The following ADGRA2 variants were observed in gnomAD, a reference collection of about 807,000 sequenced individuals.
ADGRA2 encodes G-protein coupled receptor 124.
In ADGRA2, 61 loss-of-function variants were observed where a neutral mutation model predicts 98.7. That is an observed-to-expected ratio of 0.62 (90% CI 0.50 to 0.76). The LOEUF is 0.76. Ranked by LOEUF, ADGRA2 falls within the 30% of genes least tolerant of loss-of-function variation. The pLI is 0.00. For synonymous variants in ADGRA2, 858 were observed against 831.5 expected (o/e 1.03, Z -0.55); for missense variants, 1,712 against 1,860.0 (o/e 0.92, Z 1.46).
Position 37,800,343 on chromosome 8 carries a change from A to ATTATGCGGAT in ADGRA2, c.266+2820_266+2829dup, listed in dbSNP as rs1352923311. ...GCTGCACAGAAGCAAAGGTGGTTTT[A>ATTATGCGGAT]TTATGCGGATTTATGCGGATCACAC... On this transcript the variant is annotated intron_variant, in intron 1 of 18. Transcript: ENST00000412232. 3.3e-5 allele frequency among the ~76,000 whole-genome samples: 5 copies of ATTATGCGGAT among 152,122 alleles called. No individual in the cohort carries two copies. In the East Asian group the frequency reaches 9.6e-4, roughly 29 times the overall value.
At chr8:37,811,015 G>A (rs1804811333) in intron 1 of ADGRA2, among the ~76,000 whole-genome samples, 1 of 150,788 alleles carries the variant, frequency 6.6e-6, no homozygotes, top group Non-Finnish European at 1.5e-5. Flanking sequence ...TCAAAAGGCT[G>A]AGGCAGGAGA....
chr8:37,805,675 C>T (rs1804637924), intron 1 of ADGRA2, among the ~76,000 whole-genome samples: 1 of 151,960 alleles, frequency 6.6e-6, no homozygotes, highest in Non-Finnish European at 1.5e-5. Flanking sequence ...CGAGACCATC[C>T]TGGCTAACAC....
At position 37,828,940 on chromosome 8, in the gene ADGRA2, C is replaced by A. The variant is rs2130003211; in HGVS notation, c.391C>A (p.Leu131Met). Residue 131 changes from leucine to methionine, a missense_variant, in exon 3 of 19, where the codon CTG becomes ATG. By Grantham distance (15) the Leu-to-Met change is conservative (BLOSUM62 2). Coordinates refer to ENST00000412232, the MANE Select transcript of ADGRA2 (RefSeq NM_032777.10). ...STVQPGAFLGLGELKRLDLSN... is the reference protein window; with the variant it reads ...STVQPGAFLGMGELKRLDLSN... ...AGTGCAGCCGGGCGCCTTCCTGGGC[C>A]TGGGGGAGCTGAAGCGTTTGTGAGT... 6.3e-7 allele frequency: 1 copy of A among 1,582,156 alleles called. No individual in the cohort carries two copies. Among genetic ancestry groups the A allele is most frequent in the South Asian group, 1.2e-5 (1 of 85,676 alleles).
chr8:37,824,441 C>T lies in ADGRA2; in HGVS notation c.339-4447C>T, dbSNP rs543364206. 1.2e-4 allele frequency among the ~76,000 whole-genome samples: 18 copies of T among 150,682 alleles called. No individual in the cohort carries two copies. The South Asian group carries it at 3.8e-3, about 31-fold the overall frequency. On this transcript the variant is annotated intron_variant, in intron 2 of 18. Coordinates refer to ENST00000412232, the MANE Select transcript of ADGRA2 (RefSeq NM_032777.10). ...GATCTGATTTGCAAATATTTTCTCT[C>T]ATTTTGTGGTTCTCTTTCACTTTCT...
chr8:37,798,605 A>G (rs1387352973), intron 1 of ADGRA2, among the ~76,000 whole-genome samples: 1 of 152,174 alleles, frequency 6.6e-6, no homozygotes, highest in Admixed American at 6.5e-5. Flanking sequence ...TCCCAAATCC[A>G]GCCTAAGAGC....
rs776223180 is a variant in ADGRA2, at chr8:37,841,835, GA to G, written c.3500del (p.Asn1167ThrfsTer136). ...GAGCCGGAGCCGGCGGGCACCCGGG[GA>G]AACCTCGCCCACCGCCACCCCAACA... ...EGEPEPAGTR[G>X]NLAHRHPNNV... On this transcript the variant is annotated frameshift_variant, in exon 19 of 19. Transcript: ENST00000412232. LOFTEE classifies it low-confidence loss of function (END_TRUNC). This position sits in a 1 kb window ranked among gnomAD's most constrained non-coding sequence, Gnocchi z 5.0. The G allele has an allele frequency of 6.5e-7, 1 of 1,531,172 alleles. No individual in the cohort carries two copies. The allele number at this position is 1,531,172 out of a possible 1,614,324, so 94.8% of individuals were successfully genotyped here. A position where few individuals can be genotyped will look rare whatever the true frequency, so the allele number is the denominator to read the frequency against.
At chr8:37,810,653 G>A (rs1416736275) in intron 1 of ADGRA2, among the ~76,000 whole-genome samples, 3 of 152,092 alleles carry the variant, frequency 2.0e-5, no homozygotes, top group African/African-American at 7.2e-5. Flanking sequence ...AGGCCACCAC[G>A]TCTGGCTACT....
rs1805592552 is a variant in ADGRA2 at position 37,835,755 on chromosome 8, A to G, written c.2035A>G (p.Ile679Val). Residue 679 changes from isoleucine (I) to valine (V), a missense_variant, in exon 13 of 19, where the codon ATC (isoleucine) becomes GTC (valine). Physicochemically the swap from Ile to Val is conservative, Grantham distance 29. Transcript: ENST00000412232. Reference protein sequence around the residue: ...GKRRGVATPVIFAGTSGCGVG... With the variant: ...GKRRGVATPVVFAGTSGCGVG... ...GAGGCGTGGCGTGGCCACCCCCGTC[A>G]TCTTCGCAGGAACCAGTAAGGGACT... 1.9e-6 allele frequency: 3 copies of G among 1,611,342 alleles called. No individual in the cohort carries two copies. Among genetic ancestry groups the G allele is most frequent in the Non-Finnish European group, 1.7e-6 (2 of 1,178,054 alleles).
At position 37,830,978 on chromosome 8, in the gene ADGRA2, C is replaced by A; in HGVS notation, c.932+55C>A. On this transcript the variant is annotated intron_variant, in intron 7 of 18. Transcript: ENST00000412232. This position sits in a 1 kb window ranked among gnomAD's most constrained non-coding sequence, Gnocchi z 4.8. ...TCAGCATGGGGTTAGGGGACCTACCCTACCCGTCACCACCCCGCAAAAGAG... is the reference window on the plus strand; with the variant it reads ...TCAGCATGGGGTTAGGGGACCTACCATACCCGTCACCACCCCGCAAAAGAG... 1 of 1,325,930 alleles carries A rather than the reference C, an allele frequency of 7.5e-7. No individual in the cohort carries two copies. Among genetic ancestry groups the A allele is most frequent in the Non-Finnish European group, 1.1e-6 (1 of 951,954 alleles). 82.1% of individuals were successfully genotyped at this position (1,325,930 alleles called of 1,614,324 possible).
intron 1 of ADGRA2, among the ~76,000 whole-genome samples, chr8:37,807,523 C>T (rs1164552104): frequency 6.6e-6 from 1 of 152,126 alleles, no homozygotes; most frequent in African/African-American, 2.4e-5. Context: ...ATTTTAGAGG[C>T]AATGCTTCTT....
intron 1 of ADGRA2, among the ~76,000 whole-genome samples, chr8:37,799,098 C>T (rs1390244167): frequency 6.6e-6 from 1 of 152,190 alleles, no homozygotes; most frequent in Non-Finnish European, 1.5e-5. Context: ...GAGCTGAGGC[C>T]GGGTGCGGTG....
chr8:37,842,964 G>GA lies in ADGRA2; in HGVS notation c.*610dup, dbSNP rs1805856557. On this transcript the variant is annotated 3_prime_UTR_variant, in exon 19 of 19. Coordinates refer to ENST00000412232, the MANE Select transcript of ADGRA2 (RefSeq NM_032777.10). ...CTCTAGACATCAACCAGTCCTGGGG[G>GA]AGGGGAGTGGGAACCGGGCACAACT... The GA allele has an allele frequency of 6.5e-6, 1 of 152,772 alleles. No individual in the cohort carries two copies. Among genetic ancestry groups the GA allele is most frequent in the Admixed American group, 6.5e-5 (1 of 15,284 alleles). The allele number at this position is 152,772 out of a possible 1,614,324, so 9.5% of individuals were successfully genotyped here.
rs1195828225 is a variant in ADGRA2, at chr8:37,830,139, CA to C, written c.718+126del. The stretch of plus-strand genomic sequence containing the variant: ...CTTTGTATTGCAATTTGCAAAAGAC[CA>C]CGACACTGAGTCCTGCTCTTGCATT... On this transcript the variant is annotated intron_variant, in intron 6 of 18. Transcript: ENST00000412232. The surrounding 1 kb of genome is among the most constrained non-coding windows in gnomAD (Gnocchi z 4.8). 1.7e-6 allele frequency: 1 copy of C among 582,912 alleles called. No individual in the cohort carries two copies. The highest frequency in any genetic ancestry group is 1.9e-5 in the African/African-American group (1 of 53,294). The allele number at this position is 582,912 out of a possible 1,614,324, so 36.1% of individuals were successfully genotyped here.
chr8:37,808,100 C>A (rs1804728614), intron 1 of ADGRA2, among the ~76,000 whole-genome samples: 1 of 152,176 alleles, frequency 6.6e-6, no homozygotes, highest in South Asian at 2.1e-4. Flanking sequence ...AATGGGACCC[C>A]AGCCGGGAGA....
chr8:37,815,123 T>C (rs1804940546), intron 2 of ADGRA2, among the ~76,000 whole-genome samples, 156 bp downstream of exon 2: 1 of 152,138 alleles, frequency 6.6e-6, no homozygotes, highest in African/African-American at 2.4e-5. Flanking sequence ...GCCCAGGGCT[T>C]GACCAACAAG....
chr8:37,818,367 T>C lies in ADGRA2; in HGVS notation c.338+3400T>C, dbSNP rs112018499. Reference sequence around the variant, plus strand: ...TTGCCCCTGTCTCCTCATCCTTCAGTCTCATGAGAGCACATTTTTCTGATG... The same window carrying C: ...TTGCCCCTGTCTCCTCATCCTTCAGCCTCATGAGAGCACATTTTTCTGATG... On this transcript the variant is annotated intron_variant, in intron 2 of 18. Coordinates refer to ENST00000412232, the MANE Select transcript of ADGRA2 (RefSeq NM_032777.10). Among the ~76,000 whole-genome samples the C allele has an allele frequency of 6.0e-3, 921 of 152,332 alleles. 15 individuals are homozygous for C. Among genetic ancestry groups the C allele is most frequent in the African/African-American group, 0.02 (851 of 41,574 alleles).
At chr8:37,806,899 G>A (rs888043796) in intron 1 of ADGRA2, among the ~76,000 whole-genome samples, 1 of 152,064 alleles carries the variant, frequency 6.6e-6, no homozygotes, top group Admixed American at 6.6e-5. Flanking sequence ...TCCCATCCAA[G>A]CCCCAGTTTC....
rs1338442020 is a variant in ADGRA2 at position 37,841,349 on chromosome 8, G to A, written c.3011G>A (p.Gly1004Glu). Residue 1004 changes from glycine to glutamate, a missense_variant, in exon 19 of 19, where the codon GGG becomes GAG. By Grantham distance (98) the Gly-to-Glu change is moderately conservative. Transcript: ENST00000412232. This position sits in a 1 kb window ranked among gnomAD's most constrained non-coding sequence, Gnocchi z 5.0. ...ATGSARVGTP[G>E]PPEDGDSLYS... ...GGGAGCGCGCGAGTGGGGACGCCCG[G>A]GCCCCCGGAGGATGGTGACAGCCTC... 2 of 1,606,054 alleles carry A rather than the reference G, an allele frequency of 1.2e-6. No individual in the cohort carries two copies. The highest frequency in any genetic ancestry group is 1.7e-5 in the Admixed American group (1 of 58,594).
At chr8:37,831,399 G>A (rs376018021) in intron 7 of ADGRA2, 24 bp from the exon 8 acceptor site, 2 of 1,605,430 alleles carry the variant, frequency 1.2e-6, no homozygotes, top group Non-Finnish European at 1.7e-6. Flanking sequence ...TGACTCACGA[G>A]CCAGCTCCAC....
Sources: gnomAD v4.1 joint callset for allele counts (sites outside exome capture counted in the v4.1 genomes callset) on GRCh38, gnomAD v4.1.1 for gene constraint, Gnocchi (gnomAD v3.1) non-coding constraint, MANE v1.5 for transcripts, NCBI Gene and HGNC (gene_info 2026-07-23, HGNC 2026-07-21) for gene names.